The following PKD1L1 variants were observed in gnomAD, a reference collection of about 807,000 sequenced individuals.
PKD1L1 encodes the protein polycystin 1 like 1, transient receptor potential channel interacting.
A neutral mutation model predicts 323.4 loss-of-function variants in PKD1L1; 236 were observed. That is an observed-to-expected ratio of 0.73 (90% CI 0.66 to 0.81). The LOEUF (loss-of-function observed/expected upper bound fraction) is 0.81. Ranked by LOEUF, PKD1L1 falls within the 40% of genes least tolerant of loss-of-function variation. PKD1L1 has a pLI of 0.00. For synonymous variants in PKD1L1, 1,344 were observed against 1,335.0 expected (o/e 1.01, Z -0.15); for missense variants, 3,320 against 3,508.0 (o/e 0.95, Z 1.35).
chr7:47,936,836 A>T lies in PKD1L1; in HGVS notation c.398+10T>A, dbSNP rs757186185. ...GAAAAGCAATATTTCGCCATGGTAC[A>T]TTGACATACCTATCAGCACTGTTAT... On this transcript the variant is annotated intron_variant, in intron 4 of 56. Transcript: ENST00000289672. 3.2e-6 allele frequency: 5 copies of T among 1,582,110 alleles called. No individual in the cohort carries two copies. The South Asian group carries it at 5.7e-5, about 18-fold the overall frequency.
At chr7:47,890,038 C>T (rs537102098) in intron 16 of PKD1L1, among the ~76,000 whole-genome samples, 138 of 152,360 alleles carry the variant, frequency 9.1e-4, no homozygotes, top group Middle Eastern at 6.8e-3. Context: ...CTGGCCTCAG[C>T]GCTACAGGGG....
intron 21 of PKD1L1, among the ~76,000 whole-genome samples, chr7:47,877,872 T>A (rs1006644439): frequency 1.3e-5 from 2 of 152,014 alleles, no homozygotes; most frequent in African/African-American, 4.8e-5. Flanking sequence ...ATTCTGAAGT[T>A]CTGGGGTTTG....
intron 55 of PKD1L1, chr7:47,795,396 C>T (rs993962316): frequency 3.7e-4 from 170 of 455,014 alleles, no homozygotes; most frequent in Non-Finnish European, 7.1e-4. Flanking sequence ...TAAGAAGTGC[C>T]TTTCACCTCC....
At chr7:47,912,354 A>G (rs1026385436) in intron 8 of PKD1L1, among the ~76,000 whole-genome samples, 4 of 152,220 alleles carry the variant, frequency 2.6e-5, no homozygotes, top group Admixed American at 6.5e-5. Flanking sequence ...CAGTCTCCCA[A>G]AAAGAAAGCT....
intron 15 of PKD1L1, among the ~76,000 whole-genome samples, chr7:47,892,494 G>T (rs776852154): frequency 1.3e-5 from 2 of 152,144 alleles, no homozygotes; most frequent in Non-Finnish European, 2.9e-5. Context: ...GGGGGTGCTG[G>T]AGGGTCAAAC....
chr7:47,908,277 T>G (rs1463323876), intron 8 of PKD1L1, 27 bp from the exon 9 acceptor site: 3 of 1,590,354 alleles, frequency 1.9e-6, no homozygotes, highest in Non-Finnish European at 2.6e-6. Flanking sequence ...GAACGGACAC[T>G]TGATGAATTT....
At chr7:47,873,071 ATATGT>A (rs1356377250) in intron 24 of PKD1L1, among the ~76,000 whole-genome samples, 2 of 152,356 alleles carry the variant, frequency 1.3e-5, no homozygotes, top group East Asian at 1.9e-4. Context: ...ACTTAAGATC[ATATGT>A]TATATTATCT....
At chr7:47,811,368 GCCGGTGTTGAACT>G (rs1412417615) in intron 50 of PKD1L1, among the ~76,000 whole-genome samples, 1 of 152,078 alleles carries the variant, frequency 6.6e-6, no homozygotes, top group Non-Finnish European at 1.5e-5. Context: ...TGTTGGCCAG[GCCGGTGTTGAACT>G]CCTGACCTTG....
chr7:47,784,536 T>C (rs867379908), intron 56 of PKD1L1, among the ~76,000 whole-genome samples: 1 of 152,176 alleles, frequency 6.6e-6, no homozygotes, highest in South Asian at 2.1e-4. Flanking sequence ...GCAATGGTGC[T>C]ATCTCGGCTC....
chr7:47,910,864 T>TGTGTGTGTGTA (rs1554411360), intron 8 of PKD1L1, among the ~76,000 whole-genome samples: 7 of 41,664 alleles, frequency 1.7e-4, no homozygotes, highest in African/African-American at 1.1e-3. Context: ...GTGTGTGTAT[T>TGTGTGTGTGTA]TTTAGTAGAG....
intron 26 of PKD1L1, among the ~76,000 whole-genome samples, chr7:47,863,123 A>G (rs1448148311): frequency 6.6e-6 from 1 of 152,168 alleles, no homozygotes; most frequent in African/African-American, 2.4e-5. Context: ...GGACTTCTTT[A>G]TAAGTGAATG....
intron 7 of PKD1L1, among the ~76,000 whole-genome samples, chr7:47,919,922 A>C (rs1787501041): frequency 6.6e-6 from 1 of 152,124 alleles, no homozygotes; most frequent in Non-Finnish European, 1.5e-5. Flanking sequence ...ACTGAATGGG[A>C]AAAAGTTGAA....
chr7:47,852,277 T>G (rs188520083), intron 31 of PKD1L1, among the ~76,000 whole-genome samples: 14 of 152,214 alleles, frequency 9.2e-5, no homozygotes, highest in African/African-American at 2.9e-4. Flanking sequence ...ATTTTTCTAA[T>G]TTTCTATCAG....
rs1397882389 is a variant in PKD1L1 at position 47,946,809 on chromosome 7, C to G, written c.44+1588G>C. On this transcript the variant is annotated intron_variant, in intron 1 of 56. Transcript: ENST00000289672. The surrounding 1 kb of genome is among the most constrained non-coding windows in gnomAD (Gnocchi z 4.1). Reference sequence around the variant, plus strand: ...CTCAGGAAACCCCAAAAGGCTATGACTTCAGAAATGGGGCCTCGACACCAA... The same window carrying G: ...CTCAGGAAACCCCAAAAGGCTATGAGTTCAGAAATGGGGCCTCGACACCAA... Among the ~76,000 whole-genome samples, 1 of 149,238 alleles carries G rather than the reference C, an allele frequency of 6.7e-6. No individual in the cohort carries two copies. Among genetic ancestry groups the G allele is most frequent in the Non-Finnish European group, 1.5e-5 (1 of 68,028 alleles).
At chr7:47,789,646 C>T (rs1466571338) in intron 56 of PKD1L1, among the ~76,000 whole-genome samples, 1 of 152,098 alleles carries the variant, frequency 6.6e-6, no homozygotes, top group Non-Finnish European at 1.5e-5. Flanking sequence ...GTTGTTGCTC[C>T]ACTTTATATA....
the PKD1L1 span, among the ~76,000 whole-genome samples, chr7:47,954,376 G>A: frequency 6.6e-6 from 1 of 152,340 alleles, no homozygotes; most frequent in East Asian, 1.9e-4. Flanking sequence ...GGGAGGCAGA[G>A]CCTGATGAGA....
At chr7:47,866,389 ACACTAAACT>A (rs1193712578) in intron 25 of PKD1L1, 21 bp downstream of exon 25, 1 of 1,600,660 alleles carries the variant, frequency 6.2e-7, no homozygotes, top group Non-Finnish European at 8.5e-7. Flanking sequence ...AGGTTTACAG[ACACTAAACT>A]CACCCTCCTC....
intron 15 of PKD1L1, 56 bp downstream of exon 15, chr7:47,893,822 T>C: frequency 6.5e-7 from 1 of 1,546,164 alleles, no homozygotes; most frequent in East Asian, 2.3e-5. Flanking sequence ...AGAGCCTGCA[T>C]TTGCAGAATG....
At chr7:47,922,348 G>A (rs2128753841) in intron 7 of PKD1L1, among the ~76,000 whole-genome samples, 1 of 152,326 alleles carries the variant, frequency 6.6e-6, no homozygotes, top group East Asian at 1.9e-4. Context: ...TCTAGGAAGT[G>A]AGGAGCGTCT....
Sources: allele counts gnomAD v4.1 joint callset (sites outside exome capture counted in the v4.1 genomes callset), GRCh38; gene constraint gnomAD v4.1.1; non-coding constraint Gnocchi (gnomAD v3.1); transcripts MANE v1.5; gene names NCBI Gene and HGNC (gene_info 2026-07-23, HGNC 2026-07-21).